The following CDC73 variants were observed in gnomAD, a reference collection of about 807,000 sequenced individuals.
CDC73 encodes parafibromin.
In CDC73, 21 loss-of-function variants were observed where a neutral mutation model predicts 83.7. The observed-to-expected ratio is 0.25, with a 90% CI of 0.18 to 0.36. The LOEUF (loss-of-function observed/expected upper bound fraction) is 0.36, where lower values mean the gene tolerates loss of function less well. CDC73 is among the 10% of genes least tolerant of loss of function. The pLI is 1.00. For synonymous variants in CDC73, 224 were observed against 212.9 expected, an observed-to-expected ratio of 1.05 and a Z score of -0.45; for missense variants, 342 against 653.3, an observed-to-expected ratio of 0.52 and a Z score of 5.19.
intron 2 of CDC73, chr1:193,127,777 A>G (rs1352526453): frequency 6.7e-6 from 1 of 150,166 alleles, no homozygotes; most frequent in Admixed American, 6.6e-5. Flanking sequence ...TTGTCTCCTA[A>G]TTACTTTGTG....
chr1:193,168,804 C>A (rs139963893), intron 10 of CDC73, among the ~76,000 whole-genome samples: 1 of 152,180 alleles, frequency 6.6e-6, no homozygotes, highest in Admixed American at 6.5e-5. Flanking sequence ...GGATTACACG[C>A]GTGAGCCACA....
Position 193,180,234 on chromosome 1 carries a change from T to C in CDC73, c.973-23561T>C, listed in dbSNP as rs1676689417. On this transcript the variant is annotated intron_variant, in intron 10 of 16. Transcript: ENST00000367435. Reference sequence around the variant, plus strand: ...CTTGTCCTACGGATGTAATCAGTTCTAACTATACATGCTTTTAGCAATATT... The same window carrying C: ...CTTGTCCTACGGATGTAATCAGTTCCAACTATACATGCTTTTAGCAATATT... 3.5e-6 allele frequency: 5 copies of C among 1,443,304 alleles called. No homozygotes were observed. In the South Asian group the frequency reaches 5.6e-5, roughly 16 times the overall value. The allele number at this position is 1,443,304 out of a possible 1,614,324, so 89.4% of individuals were successfully genotyped here. A position where few individuals can be genotyped will look rare whatever the true frequency, so the allele number is the denominator to read the frequency against.
intron 1 of CDC73, 91 bp downstream of exon 1, chr1:193,122,422 CT>C: frequency 2.0e-6 from 3 of 1,531,280 alleles, no homozygotes; most frequent in Non-Finnish European, 2.7e-6. Flanking sequence ...CCCGTTTCCC[CT>C]GGGGATGGGA....
At chr1:193,129,947 C>T (rs1675665663) in intron 2 of CDC73, among the ~76,000 whole-genome samples, 1 of 152,110 alleles carries the variant, frequency 6.6e-6, no homozygotes, top group Non-Finnish European at 1.5e-5. Flanking sequence ...TCAGACATTA[C>T]ATGTTAATAT....
intron 10 of CDC73, among the ~76,000 whole-genome samples, chr1:193,201,239 T>C (rs1677085963): frequency 6.6e-6 from 1 of 152,078 alleles, no homozygotes; most frequent in South Asian, 2.1e-4. Context: ...CTGAGGCAAA[T>C]GAAAGTGTGT....
At chr1:193,225,255 T>C (rs999121029) in intron 13 of CDC73, among the ~76,000 whole-genome samples, 54 of 150,208 alleles carry the variant, frequency 3.6e-4, no homozygotes, top group African/African-American at 1.2e-3. Context: ...GATATATATA[T>C]ATATATATAT....
intron 5 of CDC73, 83 bp from the exon 6 acceptor site, chr1:193,138,002 G>A: frequency 1.0e-6 from 1 of 987,558 alleles, no homozygotes; most frequent in South Asian, 1.3e-5. Context: ...AGGAAATTTG[G>A]TAAGGAAAAG....
At chr1:193,127,288 A>AGTGTGT (rs747114430) in intron 2 of CDC73, among the ~76,000 whole-genome samples, 4 of 68,176 alleles carry the variant, frequency 5.9e-5, no homozygotes, top group South Asian at 6.9e-4. Flanking sequence ...AAAAAAAAAA[A>AGTGTGT]ATGTGTGTGT....
chr1:193,143,150 T>A (rs1675935303), intron 7 of CDC73, among the ~76,000 whole-genome samples: 1 of 152,206 alleles, frequency 6.6e-6, no homozygotes, highest in African/African-American at 2.4e-5. Context: ...AAAGAATCAT[T>A]TCTTTTTCTT....
intron 10 of CDC73, among the ~76,000 whole-genome samples, chr1:193,184,271 T>C (rs1676768223): frequency 6.6e-6 from 1 of 151,956 alleles, no homozygotes; most frequent in Admixed American, 6.6e-5. Context: ...TCTCAGGTCT[T>C]ATAAATTTTT....
chr1:193,194,522 A>G (rs1179705097), intron 10 of CDC73, among the ~76,000 whole-genome samples: 1 of 152,210 alleles, frequency 6.6e-6, no homozygotes, highest in Non-Finnish European at 1.5e-5. Context: ...CTCTGCCACT[A>G]TAAAAATAAT....
chr1:193,210,928 C>CT lies in CDC73; in HGVS notation c.1031-1135dup, dbSNP rs561657388. ...ATCTTTTAGCCTTAGATCTCAATAA[C>CT]TTCTTTCCTTTTCTTCCAAAATGGT... On this transcript the variant is annotated intron_variant, in intron 11 of 16. Coordinates refer to ENST00000367435, the MANE Select transcript of CDC73 (RefSeq NM_024529.5). Among the ~76,000 whole-genome samples, 5 of 152,284 alleles carry CT rather than the reference C, an allele frequency of 3.3e-5. No homozygotes were observed. The South Asian group carries it at 1.0e-3, about 32-fold the overall frequency.
At chr1:193,127,575 A>G (rs1327391490) in intron 2 of CDC73, among the ~76,000 whole-genome samples, 1 of 152,144 alleles carries the variant, frequency 6.6e-6, no homozygotes, top group African/African-American at 2.4e-5. Flanking sequence ...AGTGTAACAA[A>G]GATTCAGATA....
At chr1:193,238,129 T>C (rs529013656) in intron 15 of CDC73, among the ~76,000 whole-genome samples, 42 of 152,204 alleles carry the variant, frequency 2.8e-4, no homozygotes, top group Non-Finnish European at 5.4e-4. Flanking sequence ...CTTCTGAAAT[T>C]TAGATAAGAA....
Position 193,235,391 on chromosome 1 carries a change from C to CAT in CDC73, c.1317-864_1317-863dup, listed in dbSNP as rs202184722. 1.8e-3 allele frequency among the ~76,000 whole-genome samples: 272 copies of CAT among 152,276 alleles called. 5 individuals are homozygous for CAT. In the East Asian group the frequency reaches 0.04, roughly 22 times the overall value. ...TTGTTTTGAAGATTAAATGTGTTAA[C>CAT]ATCATAAGTAACGCATAAAGTCCTT... On this transcript the variant is annotated intron_variant, in intron 14 of 16. Transcript: ENST00000367435.
At chr1:193,226,653 A>G (rs1043429259) in intron 13 of CDC73, among the ~76,000 whole-genome samples, 10 of 152,196 alleles carry the variant, frequency 6.6e-5, no homozygotes, top group South Asian at 2.1e-4. Flanking sequence ...CCATCCCTGC[A>G]TCCTTGGTAT....
intron 10 of CDC73, among the ~76,000 whole-genome samples, chr1:193,177,246 G>A (rs560722954): frequency 4.6e-5 from 7 of 151,148 alleles, no homozygotes; most frequent in South Asian, 2.1e-4. Flanking sequence ...ATCCTCGGCC[G>A]GGCGCGGTGG....
rs529767334 is a variant in CDC73 at position 193,183,207 on chromosome 1, A to G, written c.973-20588A>G. On this transcript the variant is annotated intron_variant, in intron 10 of 16. Coordinates refer to ENST00000367435, the MANE Select transcript of CDC73 (RefSeq NM_024529.5). ...TTAGATGTAAATGAATGAAAGTGCT[A>G]TTATAGTAGCAGCCACTAGGAGGAG... 3.3e-5 allele frequency among the ~76,000 whole-genome samples: 5 copies of G among 151,850 alleles called. No individual in the cohort carries two copies. In the East Asian group the frequency reaches 7.7e-4, roughly 23 times the overall value.
intron 7 of CDC73, among the ~76,000 whole-genome samples, chr1:193,143,535 T>C (rs1216848084): frequency 6.6e-6 from 1 of 152,212 alleles, no homozygotes; most frequent in Non-Finnish European, 1.5e-5. Flanking sequence ...TGATTTAATA[T>C]TGTTGGTACC....
Sources: gnomAD v4.1 joint callset for allele counts (sites outside exome capture counted in the v4.1 genomes callset) on GRCh38, gnomAD v4.1.1 for gene constraint, MANE v1.5 for transcripts, NCBI Gene and HGNC (gene_info 2026-07-23, HGNC 2026-07-21) for gene names.